CD8B: variants seen among roughly 807,000 people sequenced by gnomAD.
CD8B encodes the protein CD8 subunit beta.
CD8B carries 6 observed loss-of-function variants against 24.2 expected under a neutral mutation model. That is an observed-to-expected ratio of 0.25 (90% CI 0.14 to 0.49). The LOEUF (loss-of-function observed/expected upper bound fraction) is 0.49. Ranked by LOEUF, CD8B falls within the 20% of genes least tolerant of loss-of-function variation. The probability of loss-of-function intolerance (pLI) is 0.98; values close to 1 mark genes in which losing one functional copy is unlikely to be tolerated. For missense variants in CD8B, 196 were observed against 271.3 expected, an observed-to-expected ratio of 0.72 and a Z score of 1.95; for synonymous variants, 84 against 108.3, an observed-to-expected ratio of 0.78 and a Z score of 1.39.
chr2:86,861,216 A>C (rs887291717), intron 1 of CD8B, among the ~76,000 whole-genome samples: 2 of 151,968 alleles, frequency 1.3e-5, no homozygotes, highest in African/African-American at 4.8e-5. Flanking sequence ...GCTTATTCAG[A>C]AGGACAATCC....
chr2:86,821,819 A>G (rs180851791), intron 5 of CD8B: 10 of 343,380 alleles, frequency 2.9e-5, no homozygotes, highest in Non-Finnish European at 5.1e-5. Context: ...GAATGTTCCG[A>G]GCCCCCTGCT....
At chr2:86,851,047 C>T (rs1293789399) in intron 3 of CD8B, among the ~76,000 whole-genome samples, 5 of 149,942 alleles carry the variant, frequency 3.3e-5, no homozygotes, top group South Asian at 2.1e-4. Context: ...GCTGAGATCA[C>T]GCCACTGCAC....
chr2:86,826,236 G>A lies in CD8B; in HGVS notation c.621-10518C>T, dbSNP rs111776705. On this transcript the variant is annotated intron_variant, in intron 5 of 5. Transcript: ENST00000331469. ...ATCTGGGCCACAGGGGTGAGGAGCC[G>A]TCACCCCTGCCTTTTGTTTAGCCGG... 1.1e-4 allele frequency among the ~76,000 whole-genome samples: 17 copies of A among 152,156 alleles called. 2 individuals carry two copies. The highest frequency in any genetic ancestry group is 3.9e-4 in the East Asian group (2 of 5,178).
intron 5 of CD8B, among the ~76,000 whole-genome samples, chr2:86,816,109 G>A (rs998482665): frequency 6.6e-6 from 1 of 152,158 alleles, no homozygotes; most frequent in Non-Finnish European, 1.5e-5. Context: ...AATTTCAATA[G>A]TGTCTGACCT....
chr2:86,836,245 T>G (rs761995902), downstream of CD8B, among the ~76,000 whole-genome samples: 27 of 152,218 alleles, frequency 1.8e-4, no homozygotes, highest in Non-Finnish European at 3.4e-4. Flanking sequence ...TGTTCATTCA[T>G]TCATTTCAGT....
chr2:86,826,505 G>A (rs776650057), intron 5 of CD8B, among the ~76,000 whole-genome samples: 11 of 152,116 alleles, frequency 7.2e-5, no homozygotes, highest in Non-Finnish European at 1.3e-4. Context: ...TGGGAGAGGC[G>A]GTGACCCAGG....
chr2:86,843,675 T>G, intron 5 of CD8B: 1 of 985,426 alleles, frequency 1.0e-6, no homozygotes. Context: ...ATTGCTGCAC[T>G]TGCAGAGTGG....
chr2:86,818,516 T>C (rs759474466), intron 5 of CD8B, among the ~76,000 whole-genome samples: 51 of 152,232 alleles, frequency 3.4e-4, no homozygotes, highest in Admixed American at 7.9e-4. Flanking sequence ...TATTATTGTG[T>C]CTGTTCTGGT....
chr2:86,853,540 C>T (rs1483166631), intron 2 of CD8B, among the ~76,000 whole-genome samples: 1 of 152,036 alleles, frequency 6.6e-6, no homozygotes, highest in Non-Finnish European at 1.5e-5. Context: ...TTGAAGGTCA[C>T]AGAGCAATAG....
chr2:86,825,991 G>C (rs1292685518), intron 5 of CD8B, among the ~76,000 whole-genome samples: 1 of 152,080 alleles, frequency 6.6e-6, no homozygotes, highest in Non-Finnish European at 1.5e-5. Context: ...CTCTCGGGGG[G>C]AAAACATCCA....
chr2:86,822,167 G>A (rs1311091643), intron 5 of CD8B, among the ~76,000 whole-genome samples: 1 of 151,864 alleles, frequency 6.6e-6, no homozygotes, highest in Non-Finnish European at 1.5e-5. Flanking sequence ...GGGTTTTAAA[G>A]TGCTGCAATC....
At position 86,855,134 on chromosome 2, in the gene CD8B, T is replaced by TG. The variant is rs536171333; in HGVS notation, c.404-2049dup. On this transcript the variant is annotated intron_variant, in intron 2 of 5. Transcript: ENST00000390655. ...TCCGTCTCAAAAAAAAAAAAGGTTT[T>TG]GGGGGGTTGTAAGGGGGAACAGGCA... Among the ~76,000 whole-genome samples, 55 of 151,272 alleles carry TG rather than the reference T, an allele frequency of 3.6e-4. 1 individual carries two copies. In the South Asian group the frequency reaches 0.01, roughly 28 times the overall value.
At chr2:86,854,530 C>G (rs1479942284) in intron 2 of CD8B, among the ~76,000 whole-genome samples, 1 of 152,184 alleles carries the variant, frequency 6.6e-6, no homozygotes, top group Non-Finnish European at 1.5e-5. Flanking sequence ...CCCCAAACCC[C>G]TGTCCTGACT....
chr2:86,837,250 A>AG (rs1675213184), downstream of CD8B, among the ~76,000 whole-genome samples: 1 of 152,232 alleles, frequency 6.6e-6, no homozygotes, highest in South Asian at 2.1e-4. Flanking sequence ...CGCTTGTGAA[A>AG]GGCAGTAAAC....
intron 2 of CD8B, among the ~76,000 whole-genome samples, chr2:86,854,500 T>A (rs1432028446): frequency 1.3e-5 from 2 of 152,088 alleles, no homozygotes; most frequent in Non-Finnish European, 2.9e-5. Context: ...CAGCCCCAAG[T>A]GGTGAGTGCT....
At chr2:86,837,476 G>A (rs1675222129), downstream of CD8B, among the ~76,000 whole-genome samples, 1 of 152,144 alleles carries the variant, frequency 6.6e-6, no homozygotes, top group African/African-American at 2.4e-5. Flanking sequence ...TTCCCCGGGA[G>A]TGTCAGTGAC....
chr2:86,856,711 G>A (rs1156831969), intron 2 of CD8B, among the ~76,000 whole-genome samples: 1 of 151,768 alleles, frequency 6.6e-6, no homozygotes, highest in African/African-American at 2.4e-5. Flanking sequence ...GCCAGGCTGT[G>A]AGAGTTACCA....
chr2:86,852,565 C>T (rs1021105823), intron 3 of CD8B, among the ~76,000 whole-genome samples: 15 of 151,830 alleles, frequency 9.9e-5, no homozygotes, highest in African/African-American at 3.1e-4. Context: ...GCTGGATATT[C>T]CATAATCATG....
At chr2:86,829,259 A>G (rs539381094) in intron 5 of CD8B, among the ~76,000 whole-genome samples, 1 of 151,778 alleles carries the variant, frequency 6.6e-6, no homozygotes. Flanking sequence ...GGTGCATGCC[A>G]CCATGCCCGG....
Sources: allele counts gnomAD v4.1 joint callset (sites outside exome capture counted in the v4.1 genomes callset), GRCh38; gene constraint gnomAD v4.1.1; transcripts MANE v1.5; gene names NCBI Gene and HGNC (gene_info 2026-07-23, HGNC 2026-07-21).